ITPRID2: variants seen among roughly 807,000 people sequenced by gnomAD.
ITPRID2 encodes protein ITPRID2.
A neutral mutation model predicts 124.3 loss-of-function variants in ITPRID2; 60 were observed. The ratio of observed to expected loss-of-function variants is 0.48; its 90% CI spans 0.39 to 0.60. The LOEUF (loss-of-function observed/expected upper bound fraction) is 0.60, where lower values mean the gene tolerates loss of function less well. Among genes scored for constraint, ITPRID2 ranks in the 20% least tolerant of loss-of-function variants. The probability of loss-of-function intolerance (pLI) is 0.00; values close to 1 mark genes in which losing one functional copy is unlikely to be tolerated. For synonymous variants in ITPRID2, 521 were observed against 542.9 expected, an observed-to-expected ratio of 0.96 and a Z score of 0.56; for missense variants, 1,553 against 1,512.2, an observed-to-expected ratio of 1.03 and a Z score of -0.45.
At position 181,891,827 on chromosome 2, in the gene ITPRID2, A is replaced by G. The variant is rs1270251171; in HGVS notation, c.-240A>G. ...GCTCCCAGCCGCGCTCCCTCGGGCCACTAGCGCTCCCGCGCGCGCCCGGCC... is the reference window on the plus strand; with the variant it reads ...GCTCCCAGCCGCGCTCCCTCGGGCCGCTAGCGCTCCCGCGCGCGCCCGGCC... On this transcript the variant is annotated 5_prime_UTR_variant, in exon 1 of 18. Transcript: ENST00000431877. 2 of 345,264 alleles carry G rather than the reference A, an allele frequency of 5.8e-6. No homozygotes were observed. The highest frequency in any genetic ancestry group is 9.6e-6 in the Non-Finnish European group (2 of 209,262). The allele number at this position is 345,264 out of a possible 1,614,324, so 21.4% of individuals were successfully genotyped here. A position where few individuals can be genotyped will look rare whatever the true frequency, so the allele number is the denominator to read the frequency against.
Position 181,929,806 on chromosome 2 carries a change from AG to A in ITPRID2, c.*260del, listed in dbSNP as rs1695154205. Reference sequence around the variant, plus strand: ...AAAGCCTAATATTTATTTGTATGTCAGTATTTTTCATTTGATTCCCTATTAG... The same window carrying A: ...AAAGCCTAATATTTATTTGTATGTCATATTTTTCATTTGATTCCCTATTAG... On this transcript the variant is annotated 3_prime_UTR_variant, in exon 18 of 18. Coordinates refer to ENST00000431877, the MANE Select transcript of ITPRID2 (RefSeq NM_001130445.3). 13 of 479,350 alleles carry A rather than the reference AG, an allele frequency of 2.7e-5. No individual in the cohort carries two copies. In the East Asian group the frequency reaches 4.3e-4, roughly 16 times the overall value. 29.7% of individuals were successfully genotyped at this position (479,350 alleles called of 1,614,324 possible). A position where few individuals can be genotyped will look rare whatever the true frequency, so the allele number is the denominator to read the frequency against.
At chr2:181,917,905 C>T (rs1694198597) in intron 11 of ITPRID2, 2 of 152,286 alleles carry the variant, frequency 1.3e-5, no homozygotes, top group Non-Finnish European at 2.9e-5. Flanking sequence ...CCTTGGCCTC[C>T]CAAAGTACTG....
intron 8 of ITPRID2, among the ~76,000 whole-genome samples, chr2:181,908,488 A>C (rs1045689020): frequency 1.3e-5 from 2 of 152,244 alleles, no homozygotes; most frequent in African/African-American, 4.8e-5. Context: ...GTTCCCTTGC[A>C]TACAAGACAA....
chr2:181,922,554 T>A, intron 16 of ITPRID2, 142 bp downstream of exon 16: 1 of 823,940 alleles, frequency 1.2e-6, no homozygotes, highest in Non-Finnish European at 1.8e-6. Flanking sequence ...AGCTTTCCTG[T>A]TGATCAAGTT....
At chr2:181,893,502 C>G (rs1341203376) in intron 2 of ITPRID2, 7 of 152,168 alleles carry the variant, frequency 4.6e-5, no homozygotes, top group Non-Finnish European at 1.5e-5. Context: ...GAAAGTGATT[C>G]ATATGCCAGT....
At position 181,907,815 on chromosome 2, in the gene ITPRID2, G is replaced by A. The variant is rs567630645; in HGVS notation, c.1414-2084G>A. ...ATGTATGTTTCTCTCTTCAGCAAGT[G>A]GGTACTCTGATTTTGCTGAGTAAAC... is the stretch of plus-strand genomic sequence containing the variant. On this transcript the variant is annotated intron_variant, in intron 8 of 17. Transcript: ENST00000431877. This position sits in a 1 kb window ranked among gnomAD's most constrained non-coding sequence, Gnocchi z 5.1. 3.4e-4 allele frequency among the ~76,000 whole-genome samples: 52 copies of A among 152,162 alleles called. No individual in the cohort carries two copies. Among genetic ancestry groups the A allele is most frequent in the African/African-American group, 1.1e-3 (45 of 41,500 alleles).
Position 181,892,706 on chromosome 2 carries a change from G to A in ITPRID2, c.257+46G>A, listed in dbSNP as rs1175626823. On this transcript the variant is annotated intron_variant, in intron 2 of 17. Coordinates refer to ENST00000431877, the MANE Select transcript of ITPRID2 (RefSeq NM_001130445.3). The surrounding 1 kb of genome is among the most constrained non-coding windows in gnomAD (Gnocchi z 5.2). ...CCGCGTCCCGGGGGAGATCCGTGCG[G>A]ACGGGACGCCGGAGCAGAGCCACTC... is the stretch of plus-strand genomic sequence containing the variant. 3 of 1,611,802 alleles carry A rather than the reference G, an allele frequency of 1.9e-6. No individual in the cohort carries two copies. The highest frequency in any genetic ancestry group is 2.7e-5 in the African/African-American group (2 of 74,904).
In ITPRID2 at chr2:181,907,545, T is replaced by C. The variant is rs1484381770; in HGVS notation, c.1414-2354T>C. ...TAATATCATGAACACCCATTACTCA[T>C]CATTCTAATTCAGTTTTATTTGGCT... On this transcript the variant is annotated intron_variant, in intron 8 of 17. Coordinates refer to ENST00000431877, the MANE Select transcript of ITPRID2 (RefSeq NM_001130445.3). The surrounding 1 kb of genome is among the most constrained non-coding windows in gnomAD (Gnocchi z 5.1). Among the ~76,000 whole-genome samples the C allele has an allele frequency of 1.3e-5, 2 of 152,038 alleles. No individual in the cohort carries two copies. The highest frequency in any genetic ancestry group is 6.5e-5 in the Admixed American group (1 of 15,276).
Position 181,916,192 on chromosome 2 carries a change from C to CT in ITPRID2, c.2553dup (p.Glu852Ter). ...ACCTGTTCCCTTCATTCCATCCACT[C>CT]TGAGTGGCAAGAAAGGCCCCTGTGT... On this transcript the variant is annotated frameshift_variant, in exon 11 of 18. Coordinates refer to ENST00000431877, the MANE Select transcript of ITPRID2 (RefSeq NM_001130445.3). LOFTEE classifies it high-confidence loss of function. 1.1e-5 allele frequency: 18 copies of CT among 1,614,224 alleles called. No individual in the cohort carries two copies. Among genetic ancestry groups the CT allele is most frequent in the Non-Finnish European group, 1.4e-5 (17 of 1,180,040 alleles).
chr2:181,906,572 T>C (rs560423754), intron 8 of ITPRID2, among the ~76,000 whole-genome samples: 7 of 151,894 alleles, frequency 4.6e-5, no homozygotes, highest in Non-Finnish European at 8.8e-5. Flanking sequence ...ATGACTTGTC[T>C]CTACAAATAG....
chr2:181,915,238 T>C lies in ITPRID2; in HGVS notation c.1598T>C (p.Met533Thr), dbSNP rs371419171. The C allele has an allele frequency of 5.0e-6, 8 of 1,614,074 alleles. No individual in the cohort carries two copies. The highest frequency in any genetic ancestry group is 6.8e-6 in the Non-Finnish European group (8 of 1,179,960). Residue 533 changes from methionine (M) to threonine (T), a missense_variant, in exon 11 of 18, where the codon ATG (methionine) becomes ACG (threonine). Coordinates refer to ENST00000431877, the MANE Select transcript of ITPRID2 (RefSeq NM_001130445.3). ...HLQVQESLQA[M>T]GSSADSCDSE... ...CAGGTTCAGGAGTCCTTGCAGGCTA[T>C]GGGGAGTAGTGCTGATAGTTGTGAC... is the stretch of plus-strand genomic sequence containing the variant.
intron 16 of ITPRID2, among the ~76,000 whole-genome samples, chr2:181,926,548 C>T (rs1195887950): frequency 1.3e-5 from 2 of 151,930 alleles, no homozygotes; most frequent in African/African-American, 4.8e-5. Flanking sequence ...CCCGTCTCTA[C>T]TAAAAATACA....
intron 16 of ITPRID2, among the ~76,000 whole-genome samples, chr2:181,922,780 G>A (rs1449356605): frequency 6.6e-6 from 1 of 152,122 alleles, no homozygotes; most frequent in Non-Finnish European, 1.5e-5. Flanking sequence ...TTTATAGCTG[G>A]ACGTGGTGGC....
Position 181,915,430 on chromosome 2 carries a change from C to G in ITPRID2, c.1790C>G (p.Pro597Arg). The change falls in exon 11 of 18, where the codon CCT becomes CGT. Residue 597 changes from proline to arginine, a missense_variant. Transcript: ENST00000431877. ...DKRKSGSQDF[P>R]QCNTIENTGT... Reference sequence around the variant, plus strand: ...AGAAAATCAGGTAGCCAGGATTTCCCTCAGTGCAACACCATTGAGAATACA... The same window carrying G: ...AGAAAATCAGGTAGCCAGGATTTCCGTCAGTGCAACACCATTGAGAATACA... The G allele has an allele frequency of 6.2e-7, 1 of 1,614,130 alleles. No homozygotes were observed. Among genetic ancestry groups the G allele is most frequent in the Non-Finnish European group, 8.5e-7 (1 of 1,180,016 alleles).
At position 181,896,115 on chromosome 2, in the gene ITPRID2, T is replaced by A. The variant is rs370538971; in HGVS notation, c.307+36T>A. On this transcript the variant is annotated intron_variant, in intron 3 of 17. Coordinates refer to ENST00000431877, the MANE Select transcript of ITPRID2 (RefSeq NM_001130445.3). The surrounding 1 kb of genome is among the most constrained non-coding windows in gnomAD (Gnocchi z 4.3). Reference sequence around the variant, plus strand: ...GTTGCCTTTCTAAATCTGTTCTTTATGACAGTTCTACTTCTTTGTCCTCTG... The same window carrying A: ...GTTGCCTTTCTAAATCTGTTCTTTAAGACAGTTCTACTTCTTTGTCCTCTG... 301 of 1,567,238 alleles carry A rather than the reference T, an allele frequency of 1.9e-4. 1 individual carries two copies. The Admixed American group carries it at 2.1e-3, about 11-fold the overall frequency.
chr2:181,898,422 G>A (rs1030787742), intron 4 of ITPRID2, among the ~76,000 whole-genome samples: 6 of 151,882 alleles, frequency 4.0e-5, no homozygotes, highest in South Asian at 4.1e-4. Flanking sequence ...TGAAAAATCA[G>A]TTATAACCTT....
At chr2:181,900,646 CAATT>C (rs771786118) in intron 6 of ITPRID2, 46 bp from the exon 7 acceptor site, 2 of 1,317,712 alleles carry the variant, frequency 1.5e-6, no homozygotes, top group Non-Finnish European at 2.1e-6. Flanking sequence ...TGTGGACTAT[CAATT>C]TATTTTATAT....
chr2:181,899,769 C>T (rs1335257985), intron 6 of ITPRID2, among the ~76,000 whole-genome samples: 1 of 152,178 alleles, frequency 6.6e-6, no homozygotes, highest in Non-Finnish European at 1.5e-5. Flanking sequence ...GAGGTTGAGG[C>T]TGCAGTGAGC....
chr2:181,905,055 C>CTTT lies in ITPRID2; in HGVS notation c.1413+2603_1413+2605dup, dbSNP rs869067212. ...ATGAATGTTTATAACGATGTTTTTT[C>CTTT]TTTTTTTTTTTTTTTTGAGACGGAG... On this transcript the variant is annotated intron_variant, in intron 8 of 17. Coordinates refer to ENST00000431877, the MANE Select transcript of ITPRID2 (RefSeq NM_001130445.3). This position sits in a 1 kb window ranked among gnomAD's most constrained non-coding sequence, Gnocchi z 4.1. 4.0e-4 allele frequency among the ~76,000 whole-genome samples: 54 copies of CTTT among 136,420 alleles called. No homozygotes were observed. The highest frequency in any genetic ancestry group is 1.2e-3 in the African/African-American group (45 of 37,064). 89.5% of individuals were successfully genotyped at this position (136,420 alleles called of 152,430 possible).
Sources: gnomAD v4.1 joint callset for allele counts (sites outside exome capture counted in the v4.1 genomes callset) on GRCh38, gnomAD v4.1.1 for gene constraint, Gnocchi (gnomAD v3.1) non-coding constraint, MANE v1.5 for transcripts, NCBI Gene and HGNC (gene_info 2026-07-23, HGNC 2026-07-21) for gene names.